The following TPR variants were observed in gnomAD, a reference collection of about 807,000 sequenced individuals.
TPR encodes translocated promoter region, nuclear basket protein, also known as nucleoprotein TPR.
A neutral mutation model predicts 316.1 loss-of-function variants in TPR; 51 were observed. The ratio of observed to expected loss-of-function variants is 0.16; its 90% CI spans 0.13 to 0.20. The LOEUF (loss-of-function observed/expected upper bound fraction) is 0.20. Among genes scored for constraint, TPR ranks in the 10% least tolerant of loss-of-function variants. TPR has a pLI of 1.00. For synonymous variants in TPR, 981 were observed against 914.7 expected (o/e 1.07, Z -1.31); for missense variants, 2,272 against 2,754.8 (o/e 0.82, Z 3.92).
intron 21 of TPR, 26 bp from the exon 22 acceptor site, chr1:186,347,484 AATTAAC>A (rs1221300509): frequency 6.2e-7 from 1 of 1,607,420 alleles, no homozygotes; most frequent in South Asian, 1.1e-5. Flanking sequence ...GCTCTGTTAA[AATTAAC>A]ATTTTCAATA....
At chr1:186,351,575 T>G in intron 19 of TPR, 105 bp from the exon 20 acceptor site, 2 of 1,236,736 alleles carry the variant, frequency 1.6e-6, no homozygotes, top group Non-Finnish European at 2.1e-6. Context: ...CATTTCTACA[T>G]GAAGCAGCTA....
intron 30 of TPR, among the ~76,000 whole-genome samples, chr1:186,339,260 TTC>T (rs1386575523): frequency 6.6e-6 from 1 of 152,020 alleles, no homozygotes; most frequent in Non-Finnish European, 1.5e-5. Context: ...GGAAACACTG[TTC>T]TCCACAAAAA....
rs1465965282 is a variant in TPR at position 186,313,770 on chromosome 1, T to C, written c.*201A>G. The C allele has an allele frequency of 6.2e-7, 1 of 1,601,112 alleles. No homozygotes were observed. Among genetic ancestry groups the C allele is most frequent in the African/African-American group, 1.3e-5 (1 of 74,624 alleles). The stretch of plus-strand genomic sequence containing the variant: ...GACCTTATCCAAAGTCTGGTACAAC[T>C]GTCCTTAGACTGATGAGCAAAGGAG... On this transcript the variant is annotated 3_prime_UTR_variant, in exon 51 of 51. Coordinates refer to ENST00000367478, the MANE Select transcript of TPR (RefSeq NM_003292.3).
chr1:186,331,662 G>T, intron 38 of TPR, 81 bp from the exon 39 acceptor site: 2 of 848,574 alleles, frequency 2.4e-6, no homozygotes, highest in South Asian at 2.6e-5. Context: ...TCTCTCATTT[G>T]AAAAAACCCT....
chr1:186,336,450 A>G (rs1558004337), intron 33 of TPR, 46 bp downstream of exon 33: 1 of 1,589,028 alleles, frequency 6.3e-7, no homozygotes, highest in Non-Finnish European at 8.6e-7. Flanking sequence ...CCTGCAACAC[A>G]TAATCAACTT....
chr1:186,327,145 AAATATATATAAATATATAACATATATATT>A (rs1455391833), intron 40 of TPR, among the ~76,000 whole-genome samples: 3 of 9,480 alleles, frequency 3.2e-4, no homozygotes, highest in Non-Finnish European at 4.5e-4. Flanking sequence ...TTATATATAT[AAATATATATAAATATATAACATATATATT>A]ATATATATAA....
At position 186,343,988 on chromosome 1, in the gene TPR, C is replaced by T; in HGVS notation, c.3520G>A (p.Val1174Met). The T allele has an allele frequency of 1.9e-6, 3 of 1,614,172 alleles. No homozygotes were observed. The highest frequency in any genetic ancestry group is 2.2e-5 in the East Asian group (1 of 44,880). Residue 1174 changes from valine (V) to methionine (M), a missense_variant, in exon 26 of 51, where the codon GTG becomes ATG. By Grantham distance (21) the Val-to-Met change is conservative (BLOSUM62 1). Coordinates refer to ENST00000367478, the MANE Select transcript of TPR (RefSeq NM_003292.3). ...AGTGGACCTTGTACACCTTCCTTCA[C>T]AGAGGCAACGACCTTGTCACTTAAT... ...EKLSDKVVASVKEGVQGPLNV... is the reference protein window; with the variant it reads ...EKLSDKVVASMKEGVQGPLNV...
chr1:186,334,968 A>G (rs2102067208), intron 35 of TPR, 100 bp downstream of exon 35: 2 of 1,226,862 alleles, frequency 1.6e-6, no homozygotes, highest in South Asian at 2.9e-5. Context: ...ATGTTTTTAC[A>G]ATAGAATACA....
chr1:186,373,476 A>G lies in TPR; in HGVS notation c.152-13T>C, dbSNP rs1377613665. The G allele has an allele frequency of 1.9e-6, 3 of 1,581,414 alleles. No homozygotes were observed. Among genetic ancestry groups the G allele is most frequent in the Admixed American group, 1.7e-5 (1 of 57,782 alleles). On this transcript the variant is annotated splice_polypyrimidine_tract_variant and intron_variant, in intron 1 of 50. Coordinates refer to ENST00000367478, the MANE Select transcript of TPR (RefSeq NM_003292.3). ...AAATACTGTTGTTCTACAGCAGACA[A>G]GCAAAAAACAAAAAACAAAATCAAA... is the stretch of plus-strand genomic sequence containing the variant.
Position 186,355,651 on chromosome 1 carries a change from TTAGCCTCTA to T in TPR, c.1997_2005del (p.Ile666_Ala668del). On this transcript the variant is annotated inframe_deletion, in exon 16 of 51. Transcript: ENST00000367478. ...GATCTTTACCTGTTTAAGGGCAGCC[TTAGCCTCTA>T]TAGCCTCTGTTGATTCAATAACAGG... 6.2e-7 allele frequency: 1 copy of T among 1,614,120 alleles called. No homozygotes were observed. Among genetic ancestry groups the T allele is most frequent in the Non-Finnish European group, 8.5e-7 (1 of 1,179,996 alleles).
At position 186,350,282 on chromosome 1, in the gene TPR, T is replaced by C. The variant is rs1658820545; in HGVS notation, c.2717A>G (p.Gln906Arg). The C allele has an allele frequency of 1.9e-6, 3 of 1,613,768 alleles. No individual in the cohort carries two copies. Among genetic ancestry groups the C allele is most frequent in the Non-Finnish European group, 2.5e-6 (3 of 1,179,922 alleles). Residue 906 changes from glutamine to arginine, a missense_variant, in exon 21 of 51, where the codon CAG (glutamine) becomes CGG (arginine). Gln to Arg is a conservative substitution (Grantham distance 43, BLOSUM62 1). This residue lies in a region of TPR where 757 missense variants were observed against 859.8 expected (regional missense o/e 0.88). Coordinates refer to ENST00000367478, the MANE Select transcript of TPR (RefSeq NM_003292.3). ...TTGGACTTCCATATTACTGAGGTGCTGTTTCAATGTGGCAATTTCTTTTTG... is the reference window on the plus strand; with the variant it reads ...TTGGACTTCCATATTACTGAGGTGCCGTTTCAATGTGGCAATTTCTTTTTG... Reference protein sequence around the residue: ...NAQKEIATLKQHLSNMEVQVA... With the variant: ...NAQKEIATLKRHLSNMEVQVA...
chr1:186,318,714 A>C lies in TPR; in HGVS notation c.6664+19T>G, dbSNP rs755877782. 6.2e-7 allele frequency: 1 copy of C among 1,613,464 alleles called. No individual in the cohort carries two copies. Among genetic ancestry groups the C allele is most frequent in the Middle Eastern group, 1.7e-4 (1 of 6,058 alleles). ...TTTTACCAATAAAACAGAACCTACT[A>C]TCTGCCTTTGATCCCTACCTGGGGC... On this transcript the variant is annotated intron_variant, in intron 47 of 50. Transcript: ENST00000367478.
intron 25 of TPR, 73 bp from the exon 26 acceptor site, chr1:186,344,163 G>A (rs775631020): frequency 3.6e-5 from 54 of 1,500,808 alleles, no homozygotes; most frequent in African/African-American, 9.8e-5. Flanking sequence ...GGCCAGGCGC[G>A]GTGGCTAACG....
At chr1:186,339,341 A>G (rs1341744121) in intron 30 of TPR, among the ~76,000 whole-genome samples, 1 of 149,952 alleles carries the variant, frequency 6.7e-6, no homozygotes, top group African/African-American at 2.4e-5. Flanking sequence ...TAACCAAAAG[A>G]AAAAAAAAAC....
chr1:186,349,528 C>T (rs961880409), intron 21 of TPR, among the ~76,000 whole-genome samples: 12 of 151,424 alleles, frequency 7.9e-5, no homozygotes, highest in Admixed American at 2.0e-4. Context: ...TGCGTTGTGG[C>T]GGCCGCCTGT....
In TPR at chr1:186,374,986, T is replaced by G; in HGVS notation, c.43A>C (p.Asn15His). 1 of 1,614,162 alleles carries G rather than the reference T, an allele frequency of 6.2e-7. No individual in the cohort carries two copies. The highest frequency in any genetic ancestry group is 8.5e-7 in the Non-Finnish European group (1 of 1,180,030). The change falls in exon 1 of 51, where the codon AAC (asparagine) becomes CAC (histidine). Residue 15 changes from asparagine (N) to histidine (H), a missense_variant. This residue lies in a region of TPR where 549 missense variants were observed against 598.6 expected (regional missense o/e 0.92). Transcript: ENST00000367478. ...LQQVLERTELNKLPKSVQNKL... is the reference protein window; with the variant it reads ...LQQVLERTELHKLPKSVQNKL... ...TTCTGGACAGACTTGGGCAGCTTGT[T>G]CAGCTCCGTGCGCTCCAGGACTTGC...
rs931668735 is a variant in TPR, at chr1:186,359,859, T to C, written c.1329A>G (p.Glu443=). The change falls in exon 12 of 51, where the codon GAA becomes GAG. Residue 443 remains glutamate, a synonymous_variant. Coordinates refer to ENST00000367478, the MANE Select transcript of TPR (RefSeq NM_003292.3). ...KAPILKRQRE[E]YERAQKAVAS... ...CTACAGCTTTCTGTGCACGTTCATA[T>C]TCCTCACGCTGGCGTTTCAAAATTG... is the stretch of plus-strand genomic sequence containing the variant. 11 of 1,603,336 alleles carry C rather than the reference T, an allele frequency of 6.9e-6. No individual in the cohort carries two copies. Among genetic ancestry groups the C allele is most frequent in the Non-Finnish European group, 5.1e-6 (6 of 1,177,414 alleles).
intron 19 of TPR, 102 bp downstream of exon 19, chr1:186,351,874 A>C: frequency 8.9e-6 from 12 of 1,351,410 alleles, no homozygotes; most frequent in Non-Finnish European, 1.2e-5. Flanking sequence ...ATGGATGACA[A>C]AAGTGATGGA....
intron 49 of TPR, among the ~76,000 whole-genome samples, chr1:186,316,367 G>T (rs1657612879): frequency 6.6e-6 from 1 of 152,120 alleles, no homozygotes; most frequent in Admixed American, 6.5e-5. Context: ...AGATATTAGG[G>T]ATATTAACCA....
Sources: allele counts gnomAD v4.1 joint callset (sites outside exome capture counted in the v4.1 genomes callset), GRCh38; gene constraint gnomAD v4.1.1; regional missense constraint gnomAD v4.1.1; transcripts MANE v1.5; gene names NCBI Gene and HGNC (gene_info 2026-07-23, HGNC 2026-07-21).